MAN1C1: variants seen among roughly 807,000 people sequenced by gnomAD.
The protein encoded by MAN1C1 is mannosyl-oligosaccharide 1,2-alpha-mannosidase IC.
MAN1C1 carries 49 observed loss-of-function variants against 71.5 expected under a neutral mutation model. The observed-to-expected ratio is 0.69, with a 90% CI of 0.54 to 0.87. The LOEUF (loss-of-function observed/expected upper bound fraction) is 0.87, where lower values mean the gene tolerates loss of function less well. MAN1C1 is among the 40% of genes least tolerant of loss of function. The pLI, the probability that MAN1C1 is intolerant of heterozygous loss-of-function variation, is 0.00. For synonymous variants in MAN1C1, 352 were observed against 343.7 expected (o/e 1.02, Z -0.27); for missense variants, 743 against 835.0 (o/e 0.89, Z 1.36).
At chr1:25,704,762 G>GA (rs1278871228) in intron 2 of MAN1C1, among the ~76,000 whole-genome samples, 1 of 152,250 alleles carries the variant, frequency 6.6e-6, no homozygotes, top group East Asian at 1.9e-4. Flanking sequence ...CTCTTTGCCA[G>GA]AAAAAAGAAA....
At chr1:25,673,086 G>A (rs1326666793) in intron 1 of MAN1C1, among the ~76,000 whole-genome samples, 3 of 152,124 alleles carry the variant, frequency 2.0e-5, no homozygotes, top group South Asian at 2.1e-4. Context: ...AGATGTCATC[G>A]CCAGAAATCC....
chr1:25,753,103 C>G lies in MAN1C1; in HGVS notation c.835-381C>G, dbSNP rs946827602. ...AGGTCTTCATCTGGACTTGGAGGTG[C>G]CCCCCACCCCCCGCACCTCACTGCT... On this transcript the variant is annotated intron_variant, in intron 4 of 11. Transcript: ENST00000374332. The surrounding 1 kb of genome is among the most constrained non-coding windows in gnomAD (Gnocchi z 4.9). Among the ~76,000 whole-genome samples, 2 of 151,964 alleles carry G rather than the reference C, an allele frequency of 1.3e-5. No individual in the cohort carries two copies. The highest frequency in any genetic ancestry group is 6.6e-5 in the Admixed American group (1 of 15,260).
chr1:25,665,268 CAT>C (rs772830139), intron 1 of MAN1C1, among the ~76,000 whole-genome samples: 3 of 152,204 alleles, frequency 2.0e-5, no homozygotes, highest in African/African-American at 4.8e-5. Flanking sequence ...CACACGTACA[CAT>C]GTCTCTGTAG....
intron 1 of MAN1C1, chr1:25,644,518 A>ATATATATATATAT (rs61386117): frequency 7.4e-5 from 3 of 40,292 alleles, no homozygotes; most frequent in African/African-American, 5.7e-4. Flanking sequence ...ATATATATAT[A>ATATATATATATAT]TTTTTTTTTT....
chr1:25,663,806 G>C (rs868298697), intron 1 of MAN1C1, among the ~76,000 whole-genome samples: 1 of 152,294 alleles, frequency 6.6e-6, no homozygotes. Context: ...TCACTGCTCT[G>C]TCCTGGCCCT....
At chr1:25,729,329 G>T (rs2046877585) in intron 2 of MAN1C1, among the ~76,000 whole-genome samples, 1 of 152,260 alleles carries the variant, frequency 6.6e-6, no homozygotes, top group East Asian at 1.9e-4. Flanking sequence ...TCCATCACAG[G>T]TCCATGAGGC....
At chr1:25,765,745 G>A (rs1225803686) in intron 7 of MAN1C1, among the ~76,000 whole-genome samples, 1 of 152,156 alleles carries the variant, frequency 6.6e-6, no homozygotes, top group African/African-American at 2.4e-5. Flanking sequence ...CAGCATTGGG[G>A]ACACTGTGGC....
intron 2 of MAN1C1, among the ~76,000 whole-genome samples, chr1:25,727,373 G>C (rs2046846138): frequency 6.6e-6 from 1 of 152,194 alleles, no homozygotes; most frequent in Non-Finnish European, 1.5e-5. Flanking sequence ...ACTCCTCACG[G>C]GTCCCCAGTG....
intron 1 of MAN1C1, among the ~76,000 whole-genome samples, chr1:25,641,122 C>G (rs900187150): frequency 6.6e-6 from 1 of 152,114 alleles, no homozygotes; most frequent in Non-Finnish European, 1.5e-5. Context: ...GAAGGGTAGT[C>G]GGGGCTAGGC....
chr1:25,699,305 TAAA>T (rs778292367), intron 2 of MAN1C1, among the ~76,000 whole-genome samples: 10 of 124,180 alleles, frequency 8.1e-5, no homozygotes, highest in African/African-American at 1.4e-4. Flanking sequence ...CATCTTAAAT[TAAA>T]AAAAAAAAAA....
At chr1:25,618,887 A>G (rs1277759724) in intron 1 of MAN1C1, among the ~76,000 whole-genome samples, 3 of 152,292 alleles carry the variant, frequency 2.0e-5, no homozygotes, top group African/African-American at 7.2e-5. Context: ...GATGTTGTGC[A>G]TTCTGTTTCT....
chr1:25,654,597 TG>T (rs1305793888), intron 1 of MAN1C1, among the ~76,000 whole-genome samples: 2 of 152,186 alleles, frequency 1.3e-5, no homozygotes, highest in Non-Finnish European at 2.9e-5. Flanking sequence ...GGTAACTTTA[TG>T]GCAGATGCTG....
intron 1 of MAN1C1, among the ~76,000 whole-genome samples, chr1:25,678,001 C>T (rs2046093883): frequency 6.6e-6 from 1 of 151,846 alleles, no homozygotes; most frequent in African/African-American, 2.4e-5. Flanking sequence ...TTTTTCACAT[C>T]ACAAAACCTT....
intron 1 of MAN1C1, among the ~76,000 whole-genome samples, chr1:25,681,843 T>C (rs1469429919): frequency 6.6e-6 from 1 of 152,120 alleles, no homozygotes; most frequent in Admixed American, 6.6e-5. Context: ...GTGGGACTAA[T>C]AGGTTTTTAA....
chr1:25,780,986 G>A lies in MAN1C1; in HGVS notation c.1524G>A (p.Glu508=), dbSNP rs1228948770. 3.1e-6 allele frequency: 5 copies of A among 1,614,096 alleles called. No individual in the cohort carries two copies. Among genetic ancestry groups the A allele is most frequent in the Admixed American group, 3.3e-5 (2 of 60,012 alleles). Residue 508 remains glutamate (E), a synonymous_variant, in exon 10 of 12, where the codon GAG becomes GAA. Coordinates refer to ENST00000374332, the MANE Select transcript of MAN1C1 (RefSeq NM_020379.4). Reference sequence around the variant, plus strand: ...CCTTCTGGTTTAACTCCGGCAGAGAGGCCGTGGCCACCCAGCTGAGCGAGA... The same window carrying A: ...CCTTCTGGTTTAACTCCGGCAGAGAAGCCGTGGCCACCCAGCTGAGCGAGA... ...PEAFWFNSGR[E]AVATQLSESY...
At position 25,774,524 on chromosome 1, in the gene MAN1C1, C is replaced by T. The variant is rs2047594232; in HGVS notation, c.1257+2752C>T. ...GGCCTGGCTTGCCTGAAACCCCTCCCGCGAGTGCTCAGATGGGGCTCCTGC... is the reference window on the plus strand; with the variant it reads ...GGCCTGGCTTGCCTGAAACCCCTCCTGCGAGTGCTCAGATGGGGCTCCTGC... On this transcript the variant is annotated intron_variant, in intron 8 of 11. Coordinates refer to ENST00000374332, the MANE Select transcript of MAN1C1 (RefSeq NM_020379.4). Among the ~76,000 whole-genome samples, 2 of 152,186 alleles carry T rather than the reference C, an allele frequency of 1.3e-5. 1 individual carries two copies. The highest frequency in any genetic ancestry group is 1.3e-4 in the Admixed American group (2 of 15,284).
chr1:25,693,081 C>T (rs546878983), intron 2 of MAN1C1, among the ~76,000 whole-genome samples: 19 of 152,248 alleles, frequency 1.2e-4, no homozygotes, highest in African/African-American at 4.3e-4. Flanking sequence ...CTACTGTTGA[C>T]TGGAAGCTTT....
chr1:25,783,715 G>A lies in MAN1C1; in HGVS notation c.1819G>A (p.Val607Met). The change falls in exon 12 of 12, where the codon GTG becomes ATG. Residue 607 changes from valine (V) to methionine (M), a missense_variant. Physicochemically the swap from Val to Met is conservative, Grantham distance 21 (BLOSUM62 1). Transcript: ENST00000374332. The part of the protein sequence containing the change: ...EDDLLSLEDW[V>M]FNTEAHPLPV... ...TGACTTGCTCTCCCTGGAAGACTGG[G>A]TGTTCAACACCGAGGCCCACCCACT... The A allele has an allele frequency of 6.2e-7, 1 of 1,613,434 alleles. No homozygotes were observed. The highest frequency in any genetic ancestry group is 8.5e-7 in the Non-Finnish European group (1 of 1,180,032).
chr1:25,729,276 C>G (rs1244216709), intron 2 of MAN1C1, among the ~76,000 whole-genome samples: 3 of 152,214 alleles, frequency 2.0e-5, no homozygotes, highest in Admixed American at 6.5e-5. Context: ...GAATGTCCCC[C>G]CTGTTGCTCT....
Sources: allele counts gnomAD v4.1 joint callset (sites outside exome capture counted in the v4.1 genomes callset), GRCh38; gene constraint gnomAD v4.1.1; non-coding constraint Gnocchi (gnomAD v3.1); transcripts MANE v1.5; gene names NCBI Gene and HGNC (gene_info 2026-07-23, HGNC 2026-07-21).